Variants in RP1 observed in about 807,000 individuals in gnomAD.
RP1 encodes the protein RP1 axonemal microtubule associated, also known as oxygen-regulated protein 1.
A neutral mutation model predicts 14.8 loss-of-function variants in RP1; 16 were observed. The observed-to-expected ratio is 1.08, with a 90% CI of 0.73 to 1.65. The LOEUF is 1.65. RP1 is among the 40% of genes most tolerant of loss of function. The probability of loss-of-function intolerance (pLI) is 0.00; values close to 1 mark genes in which losing one functional copy is unlikely to be tolerated. For missense variants in RP1, 2,631 were observed against 2,535.0 expected (o/e 1.04, Z -0.81); for synonymous variants, 876 against 883.6 (o/e 0.99, Z 0.15).
chr8:54,584,502 A>G (rs530456319), intron 1 of RP1, among the ~76,000 whole-genome samples: 1 of 152,324 alleles, frequency 6.6e-6, no homozygotes, highest in East Asian at 1.9e-4. Context: ...AGAGTTCTGC[A>G]GATGTCTATT....
intron 22 of RP1, among the ~76,000 whole-genome samples, chr8:54,763,938 G>T (rs1035069948): frequency 5.3e-5 from 8 of 152,026 alleles, no homozygotes; most frequent in Admixed American, 1.3e-4. Flanking sequence ...GAAAGGTTGA[G>T]ATTATCTCCT....
chr8:54,775,384 C>T (rs895435360), intron 23 of RP1, among the ~76,000 whole-genome samples: 2 of 152,146 alleles, frequency 1.3e-5, no homozygotes, highest in Non-Finnish European at 2.9e-5. Context: ...ACTATTAGGT[C>T]ATAAAAGATG....
intron 1 of RP1, among the ~76,000 whole-genome samples, chr8:54,575,468 A>C (rs1158618013): frequency 2.0e-5 from 3 of 152,186 alleles, no homozygotes; most frequent in Non-Finnish European, 4.4e-5. Flanking sequence ...ATAGGCATGC[A>C]ATGTGTGATA....
chr8:54,601,825 G>A lies in RP1; in HGVS notation c.-12-19130G>A, dbSNP rs1238283233. ...GCACTATGCTAAGTGAAAAAAGCCA[G>A]CCATAAAAGATCACATATGGCATGA... is the stretch of plus-strand genomic sequence containing the variant. On this transcript the variant is annotated intron_variant, in intron 1 of 22. Transcript: ENST00000636932. Among the ~76,000 whole-genome samples, 3 of 152,300 alleles carry A rather than the reference G, an allele frequency of 2.0e-5. No homozygotes were observed. The South Asian group carries it at 6.2e-4, about 32-fold the overall frequency.
chr8:54,803,351 C>T (rs1400211745), intron 24 of RP1, among the ~76,000 whole-genome samples: 1 of 152,038 alleles, frequency 6.6e-6, no homozygotes, highest in Non-Finnish European at 1.5e-5. Context: ...CACAGATGAA[C>T]ACGGGAAAAA....
intron 24 of RP1, among the ~76,000 whole-genome samples, chr8:54,811,115 CCA>C (rs1264584429): frequency 6.6e-6 from 1 of 152,118 alleles, no homozygotes; most frequent in East Asian, 1.9e-4. Flanking sequence ...CAAAATAAAG[CCA>C]GTTTAGAGAA....
intron 27 of RP1, among the ~76,000 whole-genome samples, chr8:54,864,744 GC>G (rs1311066651): frequency 2.0e-5 from 3 of 152,144 alleles, no homozygotes; most frequent in Non-Finnish European, 4.4e-5. Flanking sequence ...ATTCCACATT[GC>G]CTTGATTGGT....
chr8:54,641,791 G>A (rs2129322760), intron 3 of RP1, among the ~76,000 whole-genome samples: 1 of 152,304 alleles, frequency 6.6e-6, no homozygotes, highest in South Asian at 2.1e-4. Context: ...CTTAACACAT[G>A]TTGTCTGATT....
Position 54,765,777 on chromosome 8 carries a change from A to T in RP1, c.3249-3964A>T, listed in dbSNP as rs570286941. ...AAGCTTTCTCTGCTTGCCCAGACAGAAGTGTGTTCATCCTTACCCTCTTTA... is the reference window on the plus strand; with the variant it reads ...AAGCTTTCTCTGCTTGCCCAGACAGTAGTGTGTTCATCCTTACCCTCTTTA... On this transcript the variant is annotated intron_variant, in intron 22 of 22. Coordinates refer to the RP1 transcript ENST00000636932. 2.6e-4 allele frequency among the ~76,000 whole-genome samples: 40 copies of T among 152,258 alleles called. No individual in the cohort carries two copies. The South Asian group carries it at 8.1e-3, about 31-fold the overall frequency.
chr8:54,668,776 A>T (rs1807076256), intron 7 of RP1, among the ~76,000 whole-genome samples: 1 of 152,236 alleles, frequency 6.6e-6, no homozygotes, highest in Non-Finnish European at 1.5e-5. Flanking sequence ...GAAATGGGGA[A>T]AGGATTCCCT....
At chr8:54,812,241 A>G (rs1016340930) in intron 24 of RP1, among the ~76,000 whole-genome samples, 5 of 152,142 alleles carry the variant, frequency 3.3e-5, no homozygotes, top group African/African-American at 4.8e-5. Flanking sequence ...CCCAGACTCA[A>G]GCGATTCTTG....
At chr8:54,787,962 CT>C (rs1810366721) in intron 24 of RP1, among the ~76,000 whole-genome samples, 2 of 152,164 alleles carry the variant, frequency 1.3e-5, no homozygotes, top group Admixed American at 1.3e-4. Flanking sequence ...TGCAACAATA[CT>C]TTATAATATA....
rs758211043 is a variant in RP1, at chr8:54,628,261, G to A, written c.4379G>A (p.Arg1460Lys). 1 of 1,613,912 alleles carries A rather than the reference G, an allele frequency of 6.2e-7. No homozygotes were observed. Among genetic ancestry groups the A allele is most frequent in the Non-Finnish European group, 8.5e-7 (1 of 1,179,906 alleles). Residue 1460 changes from arginine to lysine, a missense_variant, in exon 4 of 4, where the codon AGA (arginine) becomes AAA (lysine). Physicochemically the swap from Arg to Lys is conservative, Grantham distance 26 (BLOSUM62 2). Transcript: ENST00000220676. ...SITNSMTSSE[R>K]NISELESFEE... ...ACCAACAGCATGACATCAAGTGAAA[G>A]AAACATTTCAGAATTGGAATCTTTT...
At position 54,724,415 on chromosome 8, in the gene RP1, A is replaced by G. The variant is rs1278714934; in HGVS notation, c.2390-1930A>G. Among the ~76,000 whole-genome samples the G allele has an allele frequency of 2.0e-5, 3 of 152,188 alleles. No homozygotes were observed. In the East Asian group the frequency reaches 5.8e-4, roughly 29 times the overall value. ...GTCTGGTAGATCTTGATATAGCTTA[A>G]ATTTTGGATATAATGAGGTACTACC... On this transcript the variant is annotated intron_variant, in intron 16 of 22. Coordinates refer to the RP1 transcript ENST00000636932.
At chr8:54,831,192 C>T (rs1811515253) in intron 24 of RP1, among the ~76,000 whole-genome samples, 1 of 151,920 alleles carries the variant, frequency 6.6e-6, no homozygotes, top group Non-Finnish European at 1.5e-5. Context: ...GTCTGAATGC[C>T]TGTTTTCAAT....
At chr8:54,601,716 T>C (rs1265451886) in intron 1 of RP1, among the ~76,000 whole-genome samples, 3 of 151,248 alleles carry the variant, frequency 2.0e-5, no homozygotes, top group Non-Finnish European at 4.4e-5. Flanking sequence ...AAATGGTGAA[T>C]GAATAAATAA....
At position 54,671,129 on chromosome 8, in the gene RP1, T is replaced by A. The variant is rs570474825; in HGVS notation, c.1324-2721T>A. 5.3e-4 allele frequency among the ~76,000 whole-genome samples: 80 copies of A among 152,124 alleles called. 1 individual carries two copies. Among genetic ancestry groups the A allele is most frequent in the African/African-American group, 1.9e-3 (78 of 41,524 alleles). On this transcript the variant is annotated intron_variant, in intron 7 of 22. Transcript: ENST00000636932. ...GATGTAGAATTTTTGGTTGAGAGGT[T>A]TTTTTCTTTTAATATTTTGAATGTA...
chr8:54,563,640 G>T (rs9792354), intron 1 of RP1, among the ~76,000 whole-genome samples: 36,984 of 151,840 alleles, frequency 0.24, 4,546 homozygotes, highest in African/African-American at 0.27. Context: ...TGAATTCCTC[G>T]GCTCAAGTGA....
intron 24 of RP1, among the ~76,000 whole-genome samples, chr8:54,831,401 CTTTTTT>C (rs368455444): frequency 9.7e-6 from 1 of 102,746 alleles, no homozygotes; most frequent in Non-Finnish European, 1.9e-5. Context: ...CCTATTGTTT[CTTTTTT>C]TTTTTTTTTT....
Sources: gnomAD v4.1 joint callset for allele counts (sites outside exome capture counted in the v4.1 genomes callset) on GRCh38, gnomAD v4.1.1 for gene constraint, MANE v1.5 for transcripts, NCBI Gene and HGNC (gene_info 2026-07-23, HGNC 2026-07-21) for gene names.